The following TUT7 variants were observed in gnomAD, a reference collection of about 807,000 sequenced individuals.
TUT7 encodes the protein terminal uridylyltransferase 7.
A neutral mutation model predicts 165.9 loss-of-function variants in TUT7; 33 were observed. That is an observed-to-expected ratio of 0.20 (90% CI 0.15 to 0.27). TUT7 has a LOEUF of 0.27. Ranked by LOEUF, TUT7 falls within the 10% of genes least tolerant of loss-of-function variation. The pLI is 1.00. For missense variants in TUT7, 1,338 were observed against 1,762.3 expected (o/e 0.76, Z 4.31); for synonymous variants, 552 against 608.1 (o/e 0.91, Z 1.36).
rs1345332911 is a variant in TUT7 at position 86,328,455 on chromosome 9, T to C, written c.1493A>G (p.Asn498Ser). The C allele has an allele frequency of 6.8e-6, 11 of 1,611,074 alleles. No homozygotes were observed. The East Asian group carries it at 2.5e-4, about 36-fold the overall frequency. ...AACATCTTTTTCAATGTCTTGAAGGTTGAAATTCCCTAGTTTGCTTAATGA... is the reference window on the plus strand; with the variant it reads ...AACATCTTTTTCAATGTCTTGAAGGCTGAAATTCCCTAGTTTGCTTAATGA... ...GFSLSKLGNFNLQDIEKDVVI... is the reference protein window; with the variant it reads ...GFSLSKLGNFSLQDIEKDVVI... The change falls in exon 11 of 27, where the codon AAC (asparagine) becomes AGC (serine). Residue 498 changes from asparagine (N) to serine (S), a missense_variant. Physicochemically the swap from Asn to Ser is conservative, Grantham distance 46. Coordinates refer to ENST00000375963, the MANE Select transcript of TUT7 (RefSeq NM_024617.4).
At position 86,288,671 on chromosome 9, in the gene TUT7, C is replaced by T. The variant is rs1825697342; in HGVS notation, c.*6G>A. 5 of 1,612,934 alleles carry T rather than the reference C, an allele frequency of 3.1e-6. No individual in the cohort carries two copies. In the South Asian group the frequency reaches 5.5e-5, roughly 18 times the overall value. On this transcript the variant is annotated 3_prime_UTR_variant, in exon 27 of 27. Transcript: ENST00000375963. ...TGGCCATTTAGAGTGCTGCATTTTC[C>T]TTCCCTCATGATTCCTGCTGGGTCC...
chr9:86,290,686 CAAAAAAAAAA>C (rs749800073), intron 26 of TUT7, among the ~76,000 whole-genome samples: 2 of 54,774 alleles, frequency 3.7e-5, no homozygotes, highest in Non-Finnish European at 7.8e-5. Context: ...TACTAAAATA[CAAAAAAAAAA>C]AAAAAAAAAA....
intron 26 of TUT7, among the ~76,000 whole-genome samples, chr9:86,296,149 G>A (rs1826300536): frequency 6.6e-6 from 1 of 152,220 alleles, no homozygotes; most frequent in African/African-American, 2.4e-5. Context: ...GTGATGAGAT[G>A]TGTCGGATGC....
chr9:86,341,194 G>A, intron 6 of TUT7, 141 bp from the exon 7 acceptor site: 1 of 712,096 alleles, frequency 1.4e-6, no homozygotes, highest in Non-Finnish European at 2.4e-6. Flanking sequence ...TACTCACTAT[G>A]TTGTTTGCAT....
chr9:86,304,840 T>G lies in TUT7; in HGVS notation c.3978+16A>C. ...TTTTTTTATTTTTTATTTTTTGGTA[T>G]TTCCAACACACTTACCATTTTTGAG... On this transcript the variant is annotated intron_variant, in intron 24 of 26. Coordinates refer to ENST00000375963, the MANE Select transcript of TUT7 (RefSeq NM_024617.4). The G allele has an allele frequency of 6.4e-7, 1 of 1,554,322 alleles. No individual in the cohort carries two copies. The highest frequency in any genetic ancestry group is 8.7e-7 in the Non-Finnish European group (1 of 1,144,570).
chr9:86,350,714 A>C (rs1349728366), intron 2 of TUT7, among the ~76,000 whole-genome samples: 1 of 152,252 alleles, frequency 6.6e-6, no homozygotes, highest in Non-Finnish European at 1.5e-5. Flanking sequence ...GCATCAGATA[A>C]TTCCTCAAGC....
At chr9:86,309,161 G>A (rs764138706) in intron 21 of TUT7, 51 bp downstream of exon 21, 3 of 1,139,886 alleles carry the variant, frequency 2.6e-6, no homozygotes, top group South Asian at 2.6e-5. Flanking sequence ...CTGTAGTATA[G>A]CTAATTTTTA....
intron 17 of TUT7, 74 bp downstream of exon 17, chr9:86,317,145 G>A: frequency 7.5e-7 from 1 of 1,339,358 alleles, no homozygotes; most frequent in Middle Eastern, 1.8e-4. Context: ...ATACCCCATG[G>A]ATACCAAGGG....
intron 9 of TUT7, 131 bp from the exon 10 acceptor site, chr9:86,337,669 C>G: frequency 8.9e-7 from 1 of 1,125,784 alleles, no homozygotes; most frequent in Non-Finnish European, 1.2e-6. Context: ...CTGAAAATAG[C>G]AGTTACAAAA....
intron 17 of TUT7, among the ~76,000 whole-genome samples, chr9:86,316,682 T>G (rs1053914062): frequency 6.6e-6 from 1 of 152,200 alleles, no homozygotes; most frequent in African/African-American, 2.4e-5. Context: ...TGCATATAAA[T>G]TATCACCAAT....
In TUT7 at chr9:86,310,605, C is replaced by A. The variant is rs114255288; in HGVS notation, c.3378+101G>T. The A allele has an allele frequency of 1.7e-3, 1,041 of 601,114 alleles. 9 individuals are homozygous for A. The African/African-American group carries it at 0.033, about 19-fold the overall frequency. The allele number at this position is 601,114 out of a possible 1,614,324, so 37.2% of individuals were successfully genotyped here. On this transcript the variant is annotated intron_variant, in intron 18 of 26. Coordinates refer to ENST00000375963, the MANE Select transcript of TUT7 (RefSeq NM_024617.4). ...AGCATAATAACTCTTGAAAGATTCA[C>A]TAAGATGAAATGAATGTGACTTCTT...
At chr9:86,318,918 C>A (rs772859141) in intron 16 of TUT7, 40 bp downstream of exon 16, 18 of 1,515,586 alleles carry the variant, frequency 1.2e-5, no homozygotes, top group Non-Finnish European at 1.6e-5. Context: ...GGTTAAATCA[C>A]ACTGCCACAG....
At chr9:86,303,294 A>T in intron 24 of TUT7, 93 bp from the exon 25 acceptor site, 1 of 590,218 alleles carries the variant, frequency 1.7e-6, no homozygotes, top group South Asian at 2.7e-5. Context: ...TTACAATTCA[A>T]TGTTGATATA....
chr9:86,321,020 G>A (rs1203046833), intron 14 of TUT7, among the ~76,000 whole-genome samples: 1 of 152,092 alleles, frequency 6.6e-6, no homozygotes, highest in East Asian at 1.9e-4. Context: ...ACATAGCCCA[G>A]CTAGCCAGGG....
At position 86,343,167 on chromosome 9, in the gene TUT7, A is replaced by C. The variant is rs761769208; in HGVS notation, c.998-4T>G. On this transcript the variant is annotated splice_region_variant and splice_polypyrimidine_tract_variant and intron_variant, in intron 5 of 26. Transcript: ENST00000375963. ...CCATATAATCTTAGGGAACAATCTA[A>C]AAAATAAATAAATAAATAAAAGTAA... is the stretch of plus-strand genomic sequence containing the variant. 6.7e-7 allele frequency: 1 copy of C among 1,494,020 alleles called. No homozygotes were observed. The highest frequency in any genetic ancestry group is 9.0e-7 in the Non-Finnish European group (1 of 1,105,372). The allele number at this position is 1,494,020 out of a possible 1,614,324, so 92.5% of individuals were successfully genotyped here.
intron 23 of TUT7, 33 bp from the exon 24 acceptor site, chr9:86,304,980 G>A (rs1480067968): frequency 2.0e-6 from 3 of 1,476,570 alleles, no homozygotes; most frequent in Non-Finnish European, 2.8e-6. Flanking sequence ...ACTTAGGCGG[G>A]TTAAAAGGAA....
At chr9:86,320,972 C>G (rs1829224044) in intron 14 of TUT7, among the ~76,000 whole-genome samples, 1 of 152,158 alleles carries the variant, frequency 6.6e-6, no homozygotes, top group Admixed American at 6.5e-5. Flanking sequence ...GGGCCTGGAT[C>G]TGCTTACACA....
In TUT7 at chr9:86,317,264, C is replaced by T. The variant is rs192361493; in HGVS notation, c.3229G>A (p.Val1077Ile). Residue 1077 changes from valine to isoleucine, a missense_variant, in exon 17 of 27, where the codon GTC becomes ATC. Transcript: ENST00000375963. ...CTTGCTAATTCTTCAATAGTTCTGA[C>T]ACAGTCCAATCCCTACAACAAAGAA... ...GLETAEGLDCVRTIEELARVL... is the reference protein window; with the variant it reads ...GLETAEGLDCIRTIEELARVL... 6.2e-6 allele frequency: 10 copies of T among 1,613,840 alleles called. No homozygotes were observed. The East Asian group carries it at 2.0e-4, about 32-fold the overall frequency.
intron 6 of TUT7, among the ~76,000 whole-genome samples, chr9:86,341,825 T>C (rs754277627): frequency 5.9e-5 from 9 of 152,194 alleles, no homozygotes; most frequent in Non-Finnish European, 1.3e-4. Flanking sequence ...GCTGTATCTC[T>C]GCCCAGACCT....
Sources: gnomAD v4.1 joint callset for allele counts (sites outside exome capture counted in the v4.1 genomes callset) on GRCh38, gnomAD v4.1.1 for gene constraint, MANE v1.5 for transcripts, NCBI Gene and HGNC (gene_info 2026-07-23, HGNC 2026-07-21) for gene names.